EXOC6: variants seen among roughly 807,000 people sequenced by gnomAD.
EXOC6 encodes exocyst complex component 6.
A neutral mutation model predicts 112.5 loss-of-function variants in EXOC6; 60 were observed. The observed-to-expected ratio is 0.53, with a 90% CI of 0.43 to 0.66. The LOEUF (loss-of-function observed/expected upper bound fraction) is 0.66. Among genes scored for constraint, EXOC6 ranks in the 30% least tolerant of loss-of-function variants. The probability of loss-of-function intolerance (pLI) is 0.00; values close to 1 mark genes in which losing one functional copy is unlikely to be tolerated. For missense variants in EXOC6, 855 were observed against 957.1 expected, an observed-to-expected ratio of 0.89 and a Z score of 1.41; for synonymous variants, 295 against 308.0, an observed-to-expected ratio of 0.96 and a Z score of 0.44.
At chr10:93,036,660 GTA>G (rs1845529790) in intron 20 of EXOC6, among the ~76,000 whole-genome samples, 1 of 152,078 alleles carries the variant, frequency 6.6e-6, no homozygotes, top group African/African-American at 2.4e-5. Context: ...CTCCAAAAAA[GTA>G]TATAAATCAG....
At chr10:93,022,020 G>C (rs565090955) in intron 20 of EXOC6, among the ~76,000 whole-genome samples, 1 of 152,090 alleles carries the variant, frequency 6.6e-6, no homozygotes, top group Non-Finnish European at 1.5e-5. Context: ...GTTTAATGGA[G>C]ATTAAAACAC....
intron 18 of EXOC6, among the ~76,000 whole-genome samples, chr10:92,975,570 G>A (rs1446889143): frequency 1.4e-5 from 2 of 145,726 alleles, no homozygotes; most frequent in Non-Finnish European, 3.0e-5. Flanking sequence ...GGAGGTGGGG[G>A]GATCAGCCCC....
At chr10:93,026,287 A>G (rs1449452929) in intron 20 of EXOC6, among the ~76,000 whole-genome samples, 3 of 152,276 alleles carry the variant, frequency 2.0e-5, no homozygotes, top group Non-Finnish European at 4.4e-5. Context: ...CAGGGAGTGT[A>G]TACACATGAT....
chr10:92,841,562 C>T (rs991351821), intron 1 of EXOC6, among the ~76,000 whole-genome samples: 2 of 152,148 alleles, frequency 1.3e-5, no homozygotes, highest in African/African-American at 4.8e-5. Context: ...GCATCTGTTG[C>T]ACCTCCAAAA....
Position 92,894,982 on chromosome 10 carries a change from T to C in EXOC6, c.374T>C (p.Ile125Thr), listed in dbSNP as rs1396179881. The C allele has an allele frequency of 5.0e-6, 8 of 1,612,598 alleles. No individual in the cohort carries two copies. Among genetic ancestry groups the C allele is most frequent in the Non-Finnish European group, 5.9e-6 (7 of 1,178,810 alleles). ...CGATGTAGAATTCAGCAGAGAAATATTACAACTGTAGTAGAAAAATTGCAG... is the reference window on the plus strand; with the variant it reads ...CGATGTAGAATTCAGCAGAGAAATACTACAACTGTAGTAGAAAAATTGCAG... ...IIRCRIQQRN[I>T]TTVVEKLQLC... Residue 125 changes from isoleucine to threonine, a missense_variant, in exon 4 of 22, where the codon ATT becomes ACT. This residue lies in a region of EXOC6 where 405 missense variants were observed against 393.6 expected (regional missense o/e 1.03). Transcript: ENST00000260762.
intron 19 of EXOC6, among the ~76,000 whole-genome samples, chr10:93,001,618 T>G (rs1843759444): frequency 6.6e-6 from 1 of 152,198 alleles, no homozygotes; most frequent in Non-Finnish European, 1.5e-5. Context: ...TATTTTCCCA[T>G]CTGGACTTGG....
intron 18 of EXOC6, among the ~76,000 whole-genome samples, chr10:92,994,241 G>T (rs747982221): frequency 6.6e-6 from 1 of 152,184 alleles, no homozygotes; most frequent in Non-Finnish European, 1.5e-5. Context: ...CACTGTGAAG[G>T]TGCCATGGAA....
At chr10:93,019,210 G>A (rs1264705842) in intron 20 of EXOC6, among the ~76,000 whole-genome samples, 1 of 152,012 alleles carries the variant, frequency 6.6e-6, no homozygotes, top group African/African-American at 2.4e-5. Flanking sequence ...GAACTCCAGG[G>A]CTCAAGCAAT....
chr10:92,883,746 A>G (rs1375451121), intron 1 of EXOC6, among the ~76,000 whole-genome samples: 2 of 152,218 alleles, frequency 1.3e-5, no homozygotes, highest in Non-Finnish European at 2.9e-5. Flanking sequence ...ACTTAAGGCT[A>G]ATGTATCATT....
intron 18 of EXOC6, among the ~76,000 whole-genome samples, chr10:92,975,829 C>A (rs1395616758): frequency 7.3e-6 from 1 of 136,564 alleles, no homozygotes; most frequent in East Asian, 2.3e-4. Flanking sequence ...CCGCCCCGTC[C>A]GGGAGGTGAG....
chr10:93,017,838 C>T (rs1007140508), intron 20 of EXOC6, among the ~76,000 whole-genome samples: 58 of 151,698 alleles, frequency 3.8e-4, no homozygotes, highest in African/African-American at 1.3e-3. Context: ...AGTGAAACCC[C>T]GTCTCTACTA....
chr10:93,038,815 G>A (rs1032660756), intron 20 of EXOC6, among the ~76,000 whole-genome samples: 1 of 152,174 alleles, frequency 6.6e-6, no homozygotes, highest in African/African-American at 2.4e-5. Context: ...TACCCTTGAA[G>A]AACTCAAAAT....
chr10:92,895,918 A>G (rs928188707), intron 4 of EXOC6, among the ~76,000 whole-genome samples: 2 of 143,256 alleles, frequency 1.4e-5, no homozygotes, highest in Non-Finnish European at 3.0e-5. Flanking sequence ...CCCATTTTTA[A>G]ACTTATTATT....
intron 8 of EXOC6, among the ~76,000 whole-genome samples, chr10:92,921,171 A>G (rs532820551): frequency 6.1e-5 from 9 of 147,928 alleles, no homozygotes; most frequent in East Asian, 6.0e-4. Context: ...TTGTTCCTCT[A>G]TTCCTCCATT....
intron 15 of EXOC6, 65 bp from the exon 16 acceptor site, chr10:92,954,565 T>C (rs76662951): frequency 2.7e-6 from 2 of 747,296 alleles, no homozygotes; most frequent in Non-Finnish European, 2.2e-6. Flanking sequence ...TGTTAAATTA[T>C]TTAGGATGTT....
intron 20 of EXOC6, among the ~76,000 whole-genome samples, chr10:93,039,824 A>G (rs1196833845): frequency 6.6e-6 from 1 of 152,028 alleles, no homozygotes; most frequent in Non-Finnish European, 1.5e-5. Context: ...TGCAATGTAA[A>G]TGGCCCTACT....
intron 19 of EXOC6, among the ~76,000 whole-genome samples, chr10:93,006,301 T>C (rs922796147): frequency 4.6e-5 from 7 of 152,126 alleles, no homozygotes; most frequent in African/African-American, 1.7e-4. Context: ...GGCAAAATCA[T>C]CTGGATGGTA....
chr10:92,885,094 A>G (rs1849147207), intron 1 of EXOC6, among the ~76,000 whole-genome samples: 1 of 152,164 alleles, frequency 6.6e-6, no homozygotes, highest in African/African-American at 2.4e-5. Flanking sequence ...TAAACACACA[A>G]TTCAAGAAAG....
chr10:92,839,907 A>C (rs1846783201), intron 1 of EXOC6, among the ~76,000 whole-genome samples: 1 of 152,114 alleles, frequency 6.6e-6, no homozygotes. Context: ...TAGGAGGAAA[A>C]GGGAATTGTA....
Sources: allele counts gnomAD v4.1 joint callset (sites outside exome capture counted in the v4.1 genomes callset), GRCh38; gene constraint gnomAD v4.1.1; regional missense constraint gnomAD v4.1.1; transcripts MANE v1.5; gene names NCBI Gene and HGNC (gene_info 2026-07-23, HGNC 2026-07-21).